Variants in MICU1 observed in about 807,000 individuals in gnomAD.
The protein encoded by MICU1 is calcium uptake protein 1, mitochondrial.
Under a neutral mutation model 56.8 loss-of-function variants are expected in MICU1, and 45 were observed. The ratio of observed to expected loss-of-function variants is 0.79; its 90% CI spans 0.62 to 1.02. The LOEUF is 1.02. Among genes scored for constraint, MICU1 ranks in the 50% least tolerant of loss-of-function variants. MICU1 has a pLI of 0.00. For synonymous variants in MICU1, 186 were observed against 195.1 expected, an observed-to-expected ratio of 0.95 and a Z score of 0.39; for missense variants, 504 against 587.1, an observed-to-expected ratio of 0.86 and a Z score of 1.46.
At chr10:72,543,836 C>T (rs374440449) in intron 4 of MICU1, among the ~76,000 whole-genome samples, 10 of 151,226 alleles carry the variant, frequency 6.6e-5, no homozygotes, top group South Asian at 2.1e-4. Flanking sequence ...GGTGACATAG[C>T]GAGACCCTGT....
chr10:72,615,800 C>T (rs1239433380), intron 1 of MICU1, among the ~76,000 whole-genome samples: 1 of 152,014 alleles, frequency 6.6e-6, no homozygotes, highest in Non-Finnish European at 1.5e-5. Context: ...ACCATCCTGG[C>T]TAACACAGTG....
intron 5 of MICU1, among the ~76,000 whole-genome samples, chr10:72,530,983 T>C (rs1427378951): frequency 2.6e-5 from 4 of 152,164 alleles, no homozygotes. Context: ...CCCAGGAAAA[T>C]ATTATTTTTA....
intron 1 of MICU1, among the ~76,000 whole-genome samples, chr10:72,614,480 C>T (rs1841931073): frequency 6.6e-6 from 1 of 152,164 alleles, no homozygotes; most frequent in Non-Finnish European, 1.5e-5. Flanking sequence ...CCCAAGTGTC[C>T]ACTGATGGAT....
chr10:72,607,202 G>A (rs747110172), intron 1 of MICU1, among the ~76,000 whole-genome samples: 3 of 151,202 alleles, frequency 2.0e-5, no homozygotes, highest in Non-Finnish European at 4.4e-5. Context: ...TTAGCCGGGC[G>A]TCATGGCGCA....
chr10:72,449,389 C>A (rs1157882099), intron 8 of MICU1, among the ~76,000 whole-genome samples: 1 of 152,018 alleles, frequency 6.6e-6, no homozygotes, highest in Non-Finnish European at 1.5e-5. Flanking sequence ...CAGAGCAAGA[C>A]TCTGTCTCAA....
intron 1 of MICU1, among the ~76,000 whole-genome samples, chr10:72,586,390 C>T (rs929330291): frequency 6.6e-6 from 1 of 152,160 alleles, no homozygotes; most frequent in Admixed American, 6.5e-5. Context: ...GTGGCTCACA[C>T]CTGTAATTCC....
At chr10:72,537,312 T>C (rs983968876) in intron 4 of MICU1, among the ~76,000 whole-genome samples, 1 of 152,198 alleles carries the variant, frequency 6.6e-6, no homozygotes, top group African/African-American at 2.4e-5. Flanking sequence ...ATTCAAGCTA[T>C]TGTCCCTAAC....
At chr10:72,433,871 CGAT>C (rs1238611880) in intron 8 of MICU1, among the ~76,000 whole-genome samples, 2 of 152,120 alleles carry the variant, frequency 1.3e-5, no homozygotes, top group Non-Finnish European at 2.9e-5. Context: ...CAATCAATGA[CGAT>C]GATTAAATCC....
At chr10:72,509,660 T>C (rs1238656667) in intron 5 of MICU1, among the ~76,000 whole-genome samples, 1 of 152,218 alleles carries the variant, frequency 6.6e-6, no homozygotes, top group East Asian at 1.9e-4. Context: ...CTGACTTCTT[T>C]TGCGGCTCAC....
chr10:72,536,022 T>C (rs544808254), intron 4 of MICU1, among the ~76,000 whole-genome samples: 5 of 151,804 alleles, frequency 3.3e-5, no homozygotes, highest in Admixed American at 2.6e-4. Context: ...CTCATATAAG[T>C]AGAAAGTAGA....
chr10:72,374,062 A>T, intron 11 of MICU1, among the ~76,000 whole-genome samples: 1 of 152,208 alleles, frequency 6.6e-6, no homozygotes, highest in Admixed American at 6.5e-5. Context: ...ACCTAGCCCT[A>T]GGGCTTCCTT....
At chr10:72,450,287 A>G (rs1223116711) in intron 8 of MICU1, among the ~76,000 whole-genome samples, 2 of 151,996 alleles carry the variant, frequency 1.3e-5, no homozygotes, top group African/African-American at 4.8e-5. Flanking sequence ...AAAACAAGGT[A>G]ACTAGGTGAA....
intron 4 of MICU1, among the ~76,000 whole-genome samples, chr10:72,542,183 T>G (rs1839788859): frequency 6.6e-6 from 1 of 152,212 alleles, no homozygotes; most frequent in Admixed American, 6.5e-5. Context: ...GGATTGCAGA[T>G]AACTCTTTTT....
chr10:72,420,442 C>T (rs532816552), intron 9 of MICU1, among the ~76,000 whole-genome samples: 1 of 152,164 alleles, frequency 6.6e-6, no homozygotes, highest in African/African-American at 2.4e-5. Flanking sequence ...GAAATCAAAC[C>T]TCTTTCCTTT....
At chr10:72,486,454 C>T (rs1178523165) in intron 6 of MICU1, among the ~76,000 whole-genome samples, 1 of 151,924 alleles carries the variant, frequency 6.6e-6, no homozygotes. Flanking sequence ...AAATACTGAC[C>T]ACAGTTCAAT....
chr10:72,551,383 G>C, intron 3 of MICU1, 42 bp from the exon 4 acceptor site: 1 of 1,335,976 alleles, frequency 7.5e-7, no homozygotes, highest in South Asian at 1.5e-5. Flanking sequence ...ATTAAGCAAT[G>C]CTCATATGCT....
At chr10:72,508,130 G>T in intron 6 of MICU1, 25 bp downstream of exon 6, 1 of 1,274,738 alleles carries the variant, frequency 7.8e-7, no homozygotes, top group Non-Finnish European at 1.1e-6. Context: ...CTCTACAAAT[G>T]GAAAAAGAAA....
Position 72,436,596 on chromosome 10 carries a change from G to A in MICU1, c.934-13225C>T, listed in dbSNP as rs550813109. The stretch of plus-strand genomic sequence containing the variant: ...TGACAGAAGTAGGCTTCAGAAGGTC[G>A]GTAATAACAAACTTCTCCAAGATAA... On this transcript the variant is annotated intron_variant, in intron 8 of 11. Coordinates refer to ENST00000361114, the MANE Select transcript of MICU1 (RefSeq NM_001195518.2). Among the ~76,000 whole-genome samples, 27 of 152,194 alleles carry A rather than the reference G, an allele frequency of 1.8e-4. No homozygotes were observed. In the East Asian group the frequency reaches 2.1e-3, roughly 12 times the overall value.
At chr10:72,526,571 C>T (rs1867969074) in intron 5 of MICU1, among the ~76,000 whole-genome samples, 1 of 152,214 alleles carries the variant, frequency 6.6e-6, no homozygotes, top group Non-Finnish European at 1.5e-5. Context: ...GCTGGGATTA[C>T]AGGCATGAGC....
Sources: gnomAD v4.1 joint callset for allele counts (sites outside exome capture counted in the v4.1 genomes callset) on GRCh38, gnomAD v4.1.1 for gene constraint, MANE v1.5 for transcripts, NCBI Gene and HGNC (gene_info 2026-07-23, HGNC 2026-07-21) for gene names.